Variants in PUM1 observed in about 807,000 individuals in gnomAD.
PUM1 encodes the protein pumilio homolog 1.
Under a neutral mutation model 131.8 loss-of-function variants are expected in PUM1, and 13 were observed. The observed-to-expected ratio is 0.10, with a 90% confidence interval of 0.06 to 0.16. The LOEUF is 0.16. Ranked by LOEUF, PUM1 falls within the 10% of genes least tolerant of loss-of-function variation. The pLI is 1.00. For missense variants in PUM1, 961 were observed against 1,512.4 expected, an observed-to-expected ratio of 0.64 and a Z score of 6.05; for synonymous variants, 509 against 556.5, an observed-to-expected ratio of 0.91 and a Z score of 1.20.
intron 3 of PUM1, among the ~76,000 whole-genome samples, chr1:31,020,132 T>C (rs1642969062): frequency 6.6e-6 from 1 of 152,188 alleles, no homozygotes; most frequent in Non-Finnish European, 1.5e-5. Flanking sequence ...TACCCAATGT[T>C]TAGTTCCCAC....
At chr1:31,044,040 A>G (rs1643897696) in intron 2 of PUM1, among the ~76,000 whole-genome samples, 1 of 152,220 alleles carries the variant, frequency 6.6e-6, no homozygotes, top group Non-Finnish European at 1.5e-5. Context: ...AAAGAAGAAA[A>G]AAAGGCCCAT....
intron 5 of PUM1, among the ~76,000 whole-genome samples, chr1:31,000,119 C>T (rs1557578896): frequency 6.6e-6 from 1 of 152,112 alleles, no homozygotes; most frequent in African/African-American, 2.4e-5. Context: ...TCAAATAGCT[C>T]GGGTAAGTAT....
At chr1:31,001,990 G>T (rs935724401) in intron 5 of PUM1, among the ~76,000 whole-genome samples, 1 of 152,182 alleles carries the variant, frequency 6.6e-6, no homozygotes, top group Non-Finnish European at 1.5e-5. Flanking sequence ...TAAGCTCCCA[G>T]GTGATGCTAA....
rs74358629 is a variant in PUM1, at chr1:30,991,375, C to T, written c.1158+1015G>A. Among the ~76,000 whole-genome samples the T allele has an allele frequency of 8.4e-3, 1,279 of 152,226 alleles. 7 individuals carry two copies. The highest frequency in any genetic ancestry group is 0.031 in the Middle Eastern group (9 of 294). On this transcript the variant is annotated intron_variant, in intron 7 of 21. Transcript: ENST00000426105. ...CTTAAAGGTATTTATTGTTCATAAA[C>T]GACACAGGAGACTTAAAGGGAAACT...
rs1553152630 is a variant in PUM1 at position 31,038,958 on chromosome 1, T to TATA, written c.364-10095_364-10094insTAT. On this transcript the variant is annotated intron_variant, in intron 2 of 21. Coordinates refer to ENST00000426105, the MANE Select transcript of PUM1 (RefSeq NM_001020658.2). ...TAGCCATTTAAAATGTTTTAAAATT[T>TATA]TATATATATATATATATATATATAT... Among the ~76,000 whole-genome samples the TATA allele has an allele frequency of 8.6e-4, 38 of 43,956 alleles. 3 individuals carry two copies. The highest frequency in any genetic ancestry group is 1.2e-3 in the Non-Finnish European group (32 of 26,990). 28.8% of individuals were successfully genotyped at this position (43,956 alleles called of 152,430 possible).
chr1:30,973,710 A>C (rs147576723), intron 10 of PUM1, among the ~76,000 whole-genome samples: 100 of 152,318 alleles, frequency 6.6e-4, no homozygotes, highest in Non-Finnish European at 1.6e-4. Context: ...ACAGATACCA[A>C]ACATAATAGC....
chr1:31,055,442 GAAC>G, intron 2 of PUM1: 1 of 456,082 alleles, frequency 2.2e-6, no homozygotes, highest in Non-Finnish European at 4.4e-6. Flanking sequence ...CAGAAGGTGA[GAAC>G]AACACTAAAA....
chr1:30,978,579 A>ACAT (rs1405344090), intron 9 of PUM1, among the ~76,000 whole-genome samples: 5 of 152,268 alleles, frequency 3.3e-5, no homozygotes, highest in South Asian at 2.1e-4. Flanking sequence ...ATTACATGTT[A>ACAT]CATAATAAGT....
intron 5 of PUM1, among the ~76,000 whole-genome samples, chr1:31,000,490 A>T (rs780713684): frequency 1.2e-4 from 19 of 152,192 alleles, no homozygotes; most frequent in Non-Finnish European, 2.6e-4. Flanking sequence ...ACGTAGGTAG[A>T]ACTATATATT....
intron 17 of PUM1, among the ~76,000 whole-genome samples, chr1:30,946,646 A>G (rs891434729): frequency 6.7e-6 from 1 of 149,164 alleles, no homozygotes; most frequent in Non-Finnish European, 1.5e-5. Context: ...CAAAAAAAAA[A>G]AAAAAATTAT....
At chr1:30,976,450 T>C (rs1641141298) in intron 9 of PUM1, among the ~76,000 whole-genome samples, 1 of 152,234 alleles carries the variant, frequency 6.6e-6, no homozygotes, top group Non-Finnish European at 1.5e-5. Context: ...TGAAGAGCTG[T>C]TTCAAATATT....
chr1:30,968,201 T>C, intron 11 of PUM1, 153 bp downstream of exon 11: 1 of 1,011,726 alleles, frequency 9.9e-7, no homozygotes, highest in Non-Finnish European at 1.6e-6. Flanking sequence ...TGAACTATAG[T>C]CTAAGTGAGG....
chr1:31,030,175 C>T (rs1643373137), intron 2 of PUM1, among the ~76,000 whole-genome samples: 1 of 151,918 alleles, frequency 6.6e-6, no homozygotes, highest in African/African-American at 2.4e-5. Flanking sequence ...CGCCATTGCA[C>T]TCCAGCCTGG....
intron 2 of PUM1, among the ~76,000 whole-genome samples, chr1:31,039,212 CA>C (rs34454596): frequency 0.19 from 26,434 of 137,416 alleles, 2,848 homozygotes; most frequent in East Asian, 0.51. Context: ...CCCACGCTAA[CA>C]AAAAAAAAAT....
At chr1:30,940,467 C>A (rs190426179) in intron 20 of PUM1, among the ~76,000 whole-genome samples, 1 of 152,308 alleles carries the variant, frequency 6.6e-6, no homozygotes, top group Non-Finnish European at 1.5e-5. Context: ...CAGAGCGTGA[C>A]CCTGTCTCAA....
At position 30,968,457 on chromosome 1, in the gene PUM1, G is replaced by A. The variant is rs757134251; in HGVS notation, c.1542C>T (p.Thr514=). Residue 514 remains threonine, a synonymous_variant, in exon 11 of 22, where the codon ACC becomes ACT. Coordinates refer to ENST00000426105, the MANE Select transcript of PUM1 (RefSeq NM_001020658.2). The part of the protein sequence containing the change: ...LRGGASQRPL[T]PNQNQQGQQT... ...GCTGTCCCTGCTGGTTCTGGTTTGG[G>A]GTCAAAGGACGTTGGCTGGCTCCTC... 20 of 1,593,020 alleles carry A rather than the reference G, an allele frequency of 1.3e-5. No homozygotes were observed. Among genetic ancestry groups the A allele is most frequent in the Non-Finnish European group, 1.4e-5 (17 of 1,174,434 alleles).
rs142127548 is a variant in PUM1 at position 30,978,584 on chromosome 1, A to G, written c.1354+1478T>C. On this transcript the variant is annotated intron_variant, in intron 9 of 21. Coordinates refer to ENST00000426105, the MANE Select transcript of PUM1 (RefSeq NM_001020658.2). ...ATAATTGCAAATTACATGTTACATA[A>G]TAAGTAGTAAAATTTCGAAGTAATA... Among the ~76,000 whole-genome samples, 24 of 152,368 alleles carry G rather than the reference A, an allele frequency of 1.6e-4. No individual in the cohort carries two copies. The East Asian group carries it at 2.5e-3, about 16-fold the overall frequency.
At chr1:30,967,871 T>C (rs1210453632) in intron 11 of PUM1, among the ~76,000 whole-genome samples, 1 of 152,128 alleles carries the variant, frequency 6.6e-6, no homozygotes, top group African/African-American at 2.4e-5. Context: ...AAACAACATA[T>C]ATTCAAGATG....
chr1:31,047,098 G>A (rs1349254802), intron 2 of PUM1, among the ~76,000 whole-genome samples: 1 of 152,078 alleles, frequency 6.6e-6, no homozygotes, highest in East Asian at 1.9e-4. Flanking sequence ...GGCTGTGGCA[G>A]GACTCACTTG....
Sources: gnomAD v4.1 joint callset for allele counts (sites outside exome capture counted in the v4.1 genomes callset) on GRCh38, gnomAD v4.1.1 for gene constraint, MANE v1.5 for transcripts, NCBI Gene and HGNC (gene_info 2026-07-23, HGNC 2026-07-21) for gene names.